Variants in DPH6 observed in about 807,000 individuals in gnomAD.
The protein encoded by DPH6 is diphthamine biosynthesis 6.
A neutral mutation model predicts 38.2 loss-of-function variants in DPH6; 33 were observed. That is an observed-to-expected ratio of 0.86 (90% CI 0.65 to 1.15). The LOEUF (loss-of-function observed/expected upper bound fraction) is 1.15, where lower values mean the gene tolerates loss of function less well. Among genes scored for constraint, DPH6 ranks in the 50% most tolerant of loss-of-function variants. The probability of loss-of-function intolerance (pLI) is 0.00; values close to 1 mark genes in which losing one functional copy is unlikely to be tolerated. For missense variants in DPH6, 325 were observed against 320.0 expected, an observed-to-expected ratio of 1.02 and a Z score of -0.12; for synonymous variants, 108 against 103.0, an observed-to-expected ratio of 1.05 and a Z score of -0.30.
intron 3 of DPH6, among the ~76,000 whole-genome samples, chr15:35,467,590 C>A (rs1198219758): frequency 2.0e-5 from 3 of 151,724 alleles, no homozygotes; most frequent in Admixed American, 6.6e-5. Flanking sequence ...ACAAAACAAA[C>A]AAAAAAAACT....
chr15:35,532,120 A>C (rs564052679), intron 3 of DPH6, among the ~76,000 whole-genome samples: 18 of 152,318 alleles, frequency 1.2e-4, no homozygotes, highest in Admixed American at 4.6e-4. Flanking sequence ...ATGAAAAGCA[A>C]TCTCCTAGAA....
intron 3 of DPH6, among the ~76,000 whole-genome samples, chr15:35,295,038 C>T (rs1190880563): frequency 6.6e-6 from 1 of 152,136 alleles, no homozygotes; most frequent in East Asian, 1.9e-4. Flanking sequence ...CTGGAACCAC[C>T]CTGCTCGCAG....
chr15:35,165,650 T>C, the DPH6 span, among the ~76,000 whole-genome samples: 20 of 152,066 alleles, frequency 1.3e-4, no homozygotes, highest in East Asian at 1.9e-3. Flanking sequence ...TGTGGTGAAT[T>C]GGGCAAATGC....
chr15:35,403,497 C>T (rs2053249203), intron 6 of DPH6, among the ~76,000 whole-genome samples: 1 of 151,758 alleles, frequency 6.6e-6, no homozygotes, highest in Admixed American at 6.6e-5. Context: ...AACACTAGGT[C>T]TTATTCATCC....
intron 3 of DPH6, chr15:35,538,052 C>T: frequency 3.0e-6 from 1 of 331,920 alleles, no homozygotes; most frequent in South Asian, 1.2e-4. Context: ...TTTGATAATC[C>T]TGGATGCCAA....
the DPH6 span, among the ~76,000 whole-genome samples, chr15:35,155,120 T>A: frequency 1.3e-5 from 2 of 152,162 alleles, no homozygotes; most frequent in Non-Finnish European, 2.9e-5. Flanking sequence ...GAGGTTGAGA[T>A]GGAAAAGAAA....
At chr15:35,513,820 GAATA>G (rs777110717) in intron 3 of DPH6, among the ~76,000 whole-genome samples, 1 of 151,672 alleles carries the variant, frequency 6.6e-6, no homozygotes, top group Non-Finnish European at 1.5e-5. Flanking sequence ...TATAACACTC[GAATA>G]TATATATAAT....
intron 7 of DPH6, among the ~76,000 whole-genome samples, chr15:35,379,868 G>T (rs1029648906): frequency 6.6e-6 from 1 of 152,124 alleles, no homozygotes; most frequent in Non-Finnish European, 1.5e-5. Context: ...ATGAGAACAA[G>T]CACTGGAGGC....
chr15:35,412,810 G>A (rs2053383937), intron 5 of DPH6, among the ~76,000 whole-genome samples: 1 of 151,722 alleles, frequency 6.6e-6, no homozygotes, highest in Non-Finnish European at 1.5e-5. Flanking sequence ...GCCAGTGATT[G>A]CCAGGGGTTT....
At chr15:35,230,783 G>A (rs759132162) in intron 3 of DPH6, among the ~76,000 whole-genome samples, 12 of 152,114 alleles carry the variant, frequency 7.9e-5, no homozygotes, top group Non-Finnish European at 1.8e-4. Flanking sequence ...TATGTCCCAA[G>A]GTGTGTCTAG....
chr15:35,458,596 T>C (rs1003250840), intron 3 of DPH6, among the ~76,000 whole-genome samples: 8 of 152,024 alleles, frequency 5.3e-5, no homozygotes, highest in Non-Finnish European at 8.8e-5. Context: ...AAATAAACAA[T>C]AGCAATGGAA....
At chr15:35,222,723 G>C (rs547333278) in intron 3 of DPH6, among the ~76,000 whole-genome samples, 2 of 152,080 alleles carry the variant, frequency 1.3e-5, no homozygotes, top group African/African-American at 4.8e-5. Context: ...AATCAGATAC[G>C]CATTTGTCTC....
At chr15:35,379,915 G>C (rs1448381129) in intron 7 of DPH6, among the ~76,000 whole-genome samples, 1 of 152,052 alleles carries the variant, frequency 6.6e-6, no homozygotes, top group Non-Finnish European at 1.5e-5. Context: ...AAAGGATTTA[G>C]CAAAGTGGTC....
At chr15:35,514,512 T>C (rs930684442) in intron 3 of DPH6, among the ~76,000 whole-genome samples, 7 of 152,130 alleles carry the variant, frequency 4.6e-5, no homozygotes, top group African/African-American at 1.7e-4. Flanking sequence ...TCCAAAGCAA[T>C]TAATTTAAAA....
At chr15:35,358,642 T>C (rs1030482440) in intron 3 of DPH6, among the ~76,000 whole-genome samples, 3 of 152,192 alleles carry the variant, frequency 2.0e-5, no homozygotes. Context: ...ACTGCAGTGA[T>C]TGTTGTCTCT....
At chr15:35,146,910 G>A in the DPH6 span, among the ~76,000 whole-genome samples, 1 of 152,136 alleles carries the variant, frequency 6.6e-6, no homozygotes, top group Non-Finnish European at 1.5e-5. Context: ...ATTCATAAAT[G>A]TCTTGGGAAA....
At chr15:35,317,618 C>A (rs1434681886) in intron 3 of DPH6, among the ~76,000 whole-genome samples, 3 of 134,314 alleles carry the variant, frequency 2.2e-5, no homozygotes, top group East Asian at 3.2e-4. Context: ...AAAGAAGATT[C>A]CAAATGGATA....
chr15:35,328,001 T>C (rs1474363256), downstream of DPH6, among the ~76,000 whole-genome samples: 1 of 152,220 alleles, frequency 6.6e-6, no homozygotes, highest in African/African-American at 2.4e-5. Flanking sequence ...GTACCTTGTT[T>C]ATTTAAACTC....
At chr15:35,469,923 A>G (rs1834741571) in intron 3 of DPH6, among the ~76,000 whole-genome samples, 1 of 152,098 alleles carries the variant, frequency 6.6e-6, no homozygotes, top group Admixed American at 6.6e-5. Flanking sequence ...GCCAGGCATA[A>G]AACTAGGCTC....
Sources: gnomAD v4.1 joint callset for allele counts (sites outside exome capture counted in the v4.1 genomes callset) on GRCh38, gnomAD v4.1.1 for gene constraint, MANE v1.5 for transcripts, NCBI Gene and HGNC (gene_info 2026-07-23, HGNC 2026-07-21) for gene names.